PECR: variants seen among roughly 807,000 people sequenced by gnomAD.
PECR encodes 2,4-dienoyl-CoA reductase-related protein.
Under a neutral mutation model 35.3 loss-of-function variants are expected in PECR, and 30 were observed. That is an observed-to-expected ratio of 0.85 (90% CI 0.64 to 1.15). PECR has a LOEUF of 1.15. PECR is among the 50% of genes most tolerant of loss of function. PECR has a pLI of 0.00. For synonymous variants in PECR, 148 were observed against 138.9 expected, an observed-to-expected ratio of 1.07 and a Z score of -0.46; for missense variants, 392 against 370.8, an observed-to-expected ratio of 1.06 and a Z score of -0.47.
At chr2:216,076,553 A>G (rs1184548903) in intron 1 of PECR, among the ~76,000 whole-genome samples, 2 of 152,230 alleles carry the variant, frequency 1.3e-5, no homozygotes, top group African/African-American at 4.8e-5. Flanking sequence ...TAATTCCAGC[A>G]CTTTGGGAGG....
intron 4 of PECR, among the ~76,000 whole-genome samples, chr2:216,057,527 G>C (rs1418980328): frequency 1.3e-5 from 2 of 152,132 alleles, no homozygotes; most frequent in Non-Finnish European, 2.9e-5. Context: ...TTGCCTGTGA[G>C]GATGGGAAAT....
intron 4 of PECR, 99 bp from the exon 5 acceptor site, chr2:216,051,644 CA>C (rs1193770247): frequency 1.3e-6 from 1 of 785,558 alleles, no homozygotes; most frequent in East Asian, 2.5e-5. Flanking sequence ...CAGAATTCCA[CA>C]AGAGACTTCT....
chr2:216,031,894 A>G (rs1265919204), intron 7 of PECR, among the ~76,000 whole-genome samples: 1 of 152,146 alleles, frequency 6.6e-6, no homozygotes, highest in Non-Finnish European at 1.5e-5. Flanking sequence ...ATCTTTTACT[A>G]TAAACTCTAA....
chr2:216,048,063 TTTTC>T (rs1026399313), intron 6 of PECR, among the ~76,000 whole-genome samples: 2 of 150,064 alleles, frequency 1.3e-5, no homozygotes, highest in South Asian at 2.1e-4. Flanking sequence ...CATCCTTTTC[TTTTC>T]TTTATTTTAT....
chr2:216,076,209 T>C (rs573852715), intron 1 of PECR, among the ~76,000 whole-genome samples: 153 of 152,346 alleles, frequency 1.0e-3, no homozygotes, highest in South Asian at 1.9e-3. Context: ...CTCTTTTCTT[T>C]TGAGATGGAA....
At chr2:216,037,525 C>A (rs1694814924), downstream of PECR, among the ~76,000 whole-genome samples, 1 of 152,140 alleles carries the variant, frequency 6.6e-6, no homozygotes, top group African/African-American at 2.4e-5. Context: ...TCCAGAAGGC[C>A]ACTGTTAAAG....
chr2:216,079,469 G>A (rs1391583602), intron 1 of PECR, among the ~76,000 whole-genome samples: 3 of 150,876 alleles, frequency 2.0e-5, no homozygotes, highest in Non-Finnish European at 4.4e-5. Flanking sequence ...CCGGGTTCAC[G>A]CCATTCTCCT....
At chr2:216,068,961 TATAAC>T (rs1360879165) in intron 1 of PECR, among the ~76,000 whole-genome samples, 1 of 152,150 alleles carries the variant, frequency 6.6e-6, no homozygotes, top group African/African-American at 2.4e-5. Flanking sequence ...TTGTAAGATT[TATAAC>T]ATATGTAGAA....
chr2:216,036,069 A>T (rs1049748412), downstream of PECR, among the ~76,000 whole-genome samples: 1 of 152,244 alleles, frequency 6.6e-6, no homozygotes, highest in Admixed American at 6.5e-5. Flanking sequence ...AGAAAGCCTG[A>T]ACCATAGGCA....
At chr2:216,047,983 AT>A (rs34079201) in intron 6 of PECR, among the ~76,000 whole-genome samples, 31,793 of 134,684 alleles carry the variant, frequency 0.24, 4,084 homozygotes, top group East Asian at 0.41. Flanking sequence ...GAGGCAGGTG[AT>A]TTTTTTTTTT....
intron 7 of PECR, among the ~76,000 whole-genome samples, chr2:216,042,615 T>C (rs936422721): frequency 6.6e-6 from 1 of 152,222 alleles, no homozygotes; most frequent in African/African-American, 2.4e-5. Context: ...GGATTTGTTT[T>C]GTTGTTTATA....
chr2:216,044,204 G>A (rs1037539217), intron 6 of PECR, among the ~76,000 whole-genome samples, 189 bp from the exon 7 acceptor site: 1 of 152,116 alleles, frequency 6.6e-6, no homozygotes, highest in Non-Finnish European at 1.5e-5. Context: ...TTCTACCTGA[G>A]CATCACCGAA....
chr2:216,065,546 G>A, intron 2 of PECR, 69 bp from the exon 3 acceptor site: 1 of 908,732 alleles, frequency 1.1e-6, no homozygotes. Context: ...TCGCCTGATT[G>A]ATTGCTCTAG....
Position 216,079,809 on chromosome 2 carries a change from C to A in PECR, c.124+1809G>T, listed in dbSNP as rs530247783. Among the ~76,000 whole-genome samples the A allele has an allele frequency of 5.3e-5, 8 of 149,684 alleles. No homozygotes were observed. In the East Asian group the frequency reaches 1.7e-3, roughly 31 times the overall value. On this transcript the variant is annotated intron_variant, in intron 1 of 7. Coordinates refer to ENST00000265322, the MANE Select transcript of PECR (RefSeq NM_018441.6). ...CCAGCCTGACCAACATATAGAAACCCCATCTCTACTAAAAATACAAAATTA... is the reference window on the plus strand; with the variant it reads ...CCAGCCTGACCAACATATAGAAACCACATCTCTACTAAAAATACAAAATTA...
intron 1 of PECR, among the ~76,000 whole-genome samples, chr2:216,070,460 G>T (rs1007806397): frequency 1.3e-5 from 2 of 152,162 alleles, no homozygotes; most frequent in Non-Finnish European, 2.9e-5. Flanking sequence ...AGTGAAACTG[G>T]TCTACTTTTA....
intron 3 of PECR, chr2:216,064,231 C>T (rs1328888156): frequency 1.3e-5 from 2 of 152,218 alleles, no homozygotes; most frequent in Non-Finnish European, 2.9e-5. Flanking sequence ...TCCCTTTCTT[C>T]CATAGAAATA....
intron 7 of PECR, among the ~76,000 whole-genome samples, chr2:216,040,781 G>A (rs926188682): frequency 5.9e-5 from 9 of 152,128 alleles, no homozygotes; most frequent in African/African-American, 2.2e-4. Context: ...TGAGGCAGGA[G>A]AATTGCTTGA....
intron 1 of PECR, among the ~76,000 whole-genome samples, chr2:216,069,139 C>T (rs80353771): frequency 0.03 from 4,640 of 152,268 alleles, 259 homozygotes; most frequent in African/African-American, 0.11. Context: ...CAAATTTCAA[C>T]AACCATGGTA....
At chr2:216,048,538 C>T (rs940088889) in intron 6 of PECR, among the ~76,000 whole-genome samples, 1 of 151,582 alleles carries the variant, frequency 6.6e-6, no homozygotes, top group South Asian at 2.1e-4. Context: ...GGTGAAACTT[C>T]GCCTCTACTA....
Sources: allele counts gnomAD v4.1 joint callset (sites outside exome capture counted in the v4.1 genomes callset), GRCh38; gene constraint gnomAD v4.1.1; transcripts MANE v1.5; gene names NCBI Gene and HGNC (gene_info 2026-07-23, HGNC 2026-07-21).